Variants in GOLIM4 observed in about 807,000 individuals in gnomAD.
GOLIM4 encodes the protein 130 kDa golgi-localized phosphoprotein.
A neutral mutation model predicts 107.4 loss-of-function variants in GOLIM4; 71 were observed. The ratio of observed to expected loss-of-function variants is 0.66; its 90% CI spans 0.55 to 0.81. The LOEUF (loss-of-function observed/expected upper bound fraction) is 0.81, where lower values mean the gene tolerates loss of function less well. GOLIM4 is among the 30% of genes least tolerant of loss of function. The pLI is 0.00. For missense variants in GOLIM4, 830 were observed against 826.1 expected (o/e 1.00, Z -0.06); for synonymous variants, 327 against 294.8 (o/e 1.11, Z -1.12).
In GOLIM4 at chr3:168,024,450, T is replaced by C. The variant is rs577511785; in HGVS notation, c.1860+76A>G. On this transcript the variant is annotated intron_variant, in intron 14 of 15. Coordinates refer to ENST00000470487, the MANE Select transcript of GOLIM4 (RefSeq NM_014498.5). ...TCTGTGGAAGGCATGTCAAAGTCAA[T>C]ACTGCTGAGGTTTGTTTAAGGTTAG... 5.7e-6 allele frequency: 6 copies of C among 1,056,408 alleles called. No homozygotes were observed. The African/African-American group carries it at 7.8e-5, about 14-fold the overall frequency. The allele number at this position is 1,056,408 out of a possible 1,614,324, so 65.4% of individuals were successfully genotyped here.
At chr3:168,090,018 T>C (rs1005852308) in intron 1 of GOLIM4, among the ~76,000 whole-genome samples, 5 of 152,170 alleles carry the variant, frequency 3.3e-5, no homozygotes, top group Non-Finnish European at 7.3e-5. Context: ...TCCACCCGCC[T>C]CAGTCTCCCA....
chr3:168,055,999 A>T (rs543383648), intron 1 of GOLIM4, among the ~76,000 whole-genome samples: 5 of 152,312 alleles, frequency 3.3e-5, no homozygotes, highest in African/African-American at 1.2e-4. Flanking sequence ...CGACCAAGAC[A>T]ATTCGGAAAA....
chr3:168,064,405 T>C (rs1447279569), intron 1 of GOLIM4, among the ~76,000 whole-genome samples: 1 of 152,182 alleles, frequency 6.6e-6, no homozygotes, highest in East Asian at 1.9e-4. Flanking sequence ...ACTTTTCCTA[T>C]CAATTATTTC....
rs199969984 is a variant in GOLIM4 at position 168,010,341 on chromosome 3, G to T, written c.2019C>A (p.Tyr673Ter). The change falls in exon 16 of 16, where the codon TAC (tyrosine) becomes TAA (stop). Residue 673 changes from tyrosine (Y) to a stop codon, truncating the protein, a stop_gained. Coordinates refer to ENST00000470487, the MANE Select transcript of GOLIM4 (RefSeq NM_014498.5). LOFTEE classifies it high-confidence loss of function. Reference sequence around the variant, plus strand: ...CTTCTTCCTCCTCTTCTTCCTCCTCGTAGTGTTCCTCTCGGCCTTTGGGGC... The same window carrying T: ...CTTCTTCCTCCTCTTCTTCCTCCTCTTAGTGTTCCTCTCGGCCTTTGGGGC... ...DNRPKGREEH[Y>*]EEEEEEEEDG... The T allele has an allele frequency of 6.2e-7, 1 of 1,613,392 alleles. No homozygotes were observed. Among genetic ancestry groups the T allele is most frequent in the Non-Finnish European group, 8.5e-7 (1 of 1,179,516 alleles).
Position 168,009,106 on chromosome 3 carries a change from A to T in GOLIM4, c.*1163T>A, listed in dbSNP as rs1476573155. ...TTAAAAATCTTTATGCTTGCAACTG[A>T]AATGTCTCTACTCCAAGGGAAGTTT... is the stretch of plus-strand genomic sequence containing the variant. On this transcript the variant is annotated 3_prime_UTR_variant, in exon 16 of 16. Transcript: ENST00000470487. The T allele has an allele frequency of 1.3e-5, 2 of 152,048 alleles. No homozygotes were observed. The highest frequency in any genetic ancestry group is 2.9e-5 in the Non-Finnish European group (2 of 67,982). 9.4% of individuals were successfully genotyped at this position (152,048 alleles called of 1,614,324 possible).
chr3:168,067,062 A>AT (rs938565292), intron 1 of GOLIM4, among the ~76,000 whole-genome samples: 3 of 152,150 alleles, frequency 2.0e-5, no homozygotes, highest in African/African-American at 7.2e-5. Context: ...AACTAAGATA[A>AT]TTAAGACAGT....
At chr3:168,081,627 A>G (rs1280943152) in intron 1 of GOLIM4, among the ~76,000 whole-genome samples, 2 of 152,104 alleles carry the variant, frequency 1.3e-5, no homozygotes, top group Non-Finnish European at 2.9e-5. Flanking sequence ...TTAATCCCAC[A>G]TGTGTCACTG....
chr3:168,075,220 T>C (rs1240180140), intron 1 of GOLIM4, among the ~76,000 whole-genome samples: 1 of 151,758 alleles, frequency 6.6e-6, no homozygotes, highest in Non-Finnish European at 1.5e-5. Flanking sequence ...AGGGACAAAG[T>C]TAATGACAAG....
chr3:168,046,107 A>T (rs984419557), intron 3 of GOLIM4, among the ~76,000 whole-genome samples: 1 of 152,172 alleles, frequency 6.6e-6, no homozygotes, highest in Non-Finnish European at 1.5e-5. Flanking sequence ...TCCTGGCCTC[A>T]GGCAATCCTC....
At chr3:168,065,324 T>G (rs1313890229) in intron 1 of GOLIM4, among the ~76,000 whole-genome samples, 1 of 152,216 alleles carries the variant, frequency 6.6e-6, no homozygotes, top group African/African-American at 2.4e-5. Flanking sequence ...GAGGAAAGAT[T>G]CAGTTTAGCA....
At chr3:168,058,504 T>C (rs1398432786) in intron 1 of GOLIM4, among the ~76,000 whole-genome samples, 1 of 152,236 alleles carries the variant, frequency 6.6e-6, no homozygotes, top group Non-Finnish European at 1.5e-5. Flanking sequence ...TGAGCTATTA[T>C]GTTATAACCC....
At chr3:168,021,098 C>T (rs1365953076) in intron 14 of GOLIM4, among the ~76,000 whole-genome samples, 2 of 152,094 alleles carry the variant, frequency 1.3e-5, no homozygotes, top group Non-Finnish European at 2.9e-5. Flanking sequence ...TCTGATGACA[C>T]AAAGTTTAAT....
intron 14 of GOLIM4, among the ~76,000 whole-genome samples, chr3:168,017,404 C>T (rs780395068): frequency 5.3e-5 from 8 of 152,066 alleles, no homozygotes; most frequent in Non-Finnish European, 1.5e-5. Context: ...GGCAGAGGAT[C>T]GATTGAGCTC....
chr3:168,054,928 G>C (rs1719860786), intron 1 of GOLIM4, among the ~76,000 whole-genome samples: 1 of 152,094 alleles, frequency 6.6e-6, no homozygotes, highest in African/African-American at 2.4e-5. Context: ...GTTTTAAAAA[G>C]GGGAGTTTCC....
At chr3:168,066,200 T>C (rs1160470749) in intron 1 of GOLIM4, among the ~76,000 whole-genome samples, 3 of 151,972 alleles carry the variant, frequency 2.0e-5, no homozygotes, top group Non-Finnish European at 4.4e-5. Flanking sequence ...CTGCAAAGTA[T>C]CTGAAAATGA....
rs184900922 is a variant in GOLIM4, at chr3:168,010,742, C to T, written c.1941+1G>A. The T allele has an allele frequency of 1.9e-6, 3 of 1,595,656 alleles. No homozygotes were observed. Among genetic ancestry groups the T allele is most frequent in the Non-Finnish European group, 2.6e-6 (3 of 1,163,622 alleles). On this transcript the variant is annotated splice_donor_variant, in intron 15 of 15. Transcript: ENST00000470487. LOFTEE classifies it high-confidence loss of function. ...AATAGAAATATGTATCCCGGTCATA[C>T]ATTTTCATCATTTTCACCATAGGTC... is the stretch of plus-strand genomic sequence containing the variant.
intron 5 of GOLIM4, among the ~76,000 whole-genome samples, chr3:168,042,629 T>C (rs1719082375): frequency 6.6e-6 from 1 of 152,184 alleles, no homozygotes; most frequent in South Asian, 2.1e-4. Context: ...TTCACCTAAA[T>C]ATTTGATTGC....
chr3:168,030,466 A>C (rs189572880), intron 9 of GOLIM4, among the ~76,000 whole-genome samples: 7 of 150,972 alleles, frequency 4.6e-5, no homozygotes, highest in Non-Finnish European at 8.9e-5. Context: ...AGGGATGCTA[A>C]TTAACTCTAG....
At chr3:168,017,150 T>C (rs1717416341) in intron 14 of GOLIM4, among the ~76,000 whole-genome samples, 1 of 152,192 alleles carries the variant, frequency 6.6e-6, no homozygotes, top group African/African-American at 2.4e-5. Flanking sequence ...GAATAATGGT[T>C]AAAATTCCAA....
Sources: gnomAD v4.1 joint callset for allele counts (sites outside exome capture counted in the v4.1 genomes callset) on GRCh38, gnomAD v4.1.1 for gene constraint, MANE v1.5 for transcripts, NCBI Gene and HGNC (gene_info 2026-07-23, HGNC 2026-07-21) for gene names.